Variants in TM9SF3 observed in about 807,000 individuals in gnomAD.
TM9SF3 encodes the protein transmembrane 9 superfamily member 3.
TM9SF3 carries 14 observed loss-of-function variants against 78.6 expected under a neutral mutation model. The ratio of observed to expected loss-of-function variants is 0.18; its 90% CI spans 0.12 to 0.28. The LOEUF is 0.28. Ranked by LOEUF, TM9SF3 falls within the 10% of genes least tolerant of loss-of-function variation. TM9SF3 has a pLI of 1.00. For missense variants in TM9SF3, 496 were observed against 721.9 expected (o/e 0.69, Z 3.59); for synonymous variants, 231 against 241.7 (o/e 0.96, Z 0.41).
chr10:96,584,162 A>G (rs544492917), intron 1 of TM9SF3, among the ~76,000 whole-genome samples: 6 of 152,360 alleles, frequency 3.9e-5, no homozygotes, highest in Non-Finnish European at 8.8e-5. Flanking sequence ...TCAGCTTCTA[A>G]AAGTTATTGT....
In TM9SF3 at chr10:96,555,865, C is replaced by G. The variant is rs562577965; in HGVS notation, c.661-2806G>C. On this transcript the variant is annotated intron_variant, in intron 5 of 14. Coordinates refer to ENST00000371142, the MANE Select transcript of TM9SF3 (RefSeq NM_020123.4). ...ACCCTGAGATGTTAACCCAGAAAAG[C>G]TCAAGAGGGAAAGAAAAATGACACA... Among the ~76,000 whole-genome samples the G allele has an allele frequency of 8.5e-4, 129 of 152,130 alleles. 1 individual carries two copies. The highest frequency in any genetic ancestry group is 1.4e-3 in the Non-Finnish European group (95 of 67,976).
At chr10:96,548,055 A>G (rs1026986581) in intron 7 of TM9SF3, 66 bp from the exon 8 acceptor site, 16 of 984,828 alleles carry the variant, frequency 1.6e-5, no homozygotes, top group East Asian at 2.6e-5. Flanking sequence ...ATAGTCTATT[A>G]TATTAGCATT....
intron 14 of TM9SF3, among the ~76,000 whole-genome samples, 163 bp downstream of exon 14, chr10:96,527,050 T>C (rs1037352986): frequency 6.6e-6 from 1 of 152,096 alleles, no homozygotes; most frequent in Non-Finnish European, 1.5e-5. Flanking sequence ...AGGTAATAAA[T>C]TATGTTGTGG....
At chr10:96,545,031 C>T (rs1848081001) in intron 8 of TM9SF3, among the ~76,000 whole-genome samples, 1 of 152,082 alleles carries the variant, frequency 6.6e-6, no homozygotes, top group African/African-American at 2.4e-5. Context: ...TTTCTCTGTA[C>T]CTCTGTGTAT....
chr10:96,573,486 T>C (rs994081045), intron 2 of TM9SF3, among the ~76,000 whole-genome samples: 1 of 152,208 alleles, frequency 6.6e-6, no homozygotes, highest in Admixed American at 6.5e-5. Context: ...AGCATATCCA[T>C]GCTGGAGGTG....
chr10:96,575,160 A>G (rs939008318), intron 2 of TM9SF3, among the ~76,000 whole-genome samples: 14 of 152,186 alleles, frequency 9.2e-5, no homozygotes, highest in Admixed American at 8.5e-4. Flanking sequence ...ACACAGTAGC[A>G]AAGTAGGACT....
intron 9 of TM9SF3, among the ~76,000 whole-genome samples, chr10:96,534,193 T>G (rs1232863513): frequency 6.6e-6 from 1 of 152,174 alleles, no homozygotes; most frequent in African/African-American, 2.4e-5. Flanking sequence ...GATCCTTTTG[T>G]GTGTGTATAT....
intron 2 of TM9SF3, among the ~76,000 whole-genome samples, chr10:96,568,944 T>C (rs1589460981): frequency 6.6e-6 from 1 of 152,124 alleles, no homozygotes; most frequent in East Asian, 1.9e-4. Flanking sequence ...CTCAGCACTT[T>C]AGGAGGCCCA....
intron 2 of TM9SF3, among the ~76,000 whole-genome samples, chr10:96,574,161 TG>T (rs1170598375): frequency 6.6e-6 from 1 of 152,166 alleles, no homozygotes; most frequent in Non-Finnish European, 1.5e-5. Context: ...AGAAAATTTT[TG>T]CAATCAATCC....
intron 7 of TM9SF3, among the ~76,000 whole-genome samples, chr10:96,548,615 T>C (rs911899339): frequency 1.3e-5 from 2 of 151,670 alleles, no homozygotes; most frequent in Non-Finnish European, 2.9e-5. Flanking sequence ...CTGGCCAACA[T>C]GGCAAAACCC....
Position 96,551,431 on chromosome 10 carries a change from T to TAG in TM9SF3, c.793-22_793-21dup, listed in dbSNP as rs980381193. 25 of 1,446,418 alleles carry TAG rather than the reference T, an allele frequency of 1.7e-5. No individual in the cohort carries two copies. Among genetic ancestry groups the TAG allele is most frequent in the South Asian group, 8.5e-5 (6 of 70,896 alleles). 89.6% of individuals were successfully genotyped at this position (1,446,418 alleles called of 1,614,324 possible). A position where few individuals can be genotyped will look rare whatever the true frequency, so the allele number is the denominator to read the frequency against. On this transcript the variant is annotated intron_variant, in intron 6 of 14. Coordinates refer to ENST00000371142, the MANE Select transcript of TM9SF3 (RefSeq NM_020123.4). Reference sequence around the variant, plus strand: ...TCTATCCTATATACAAATATATATATAGAGAGAGAAAAGCAAATCATTCAG... The same window carrying TAG: ...TCTATCCTATATACAAATATATATATAGAGAGAGAGAAAAGCAAATCATTCAG...
chr10:96,537,312 T>C (rs1006859875), intron 9 of TM9SF3, among the ~76,000 whole-genome samples: 2 of 152,240 alleles, frequency 1.3e-5, no homozygotes, highest in African/African-American at 2.4e-5. Context: ...TGTGTTACAA[T>C]TGCCTACAGT....
intron 10 of TM9SF3, among the ~76,000 whole-genome samples, chr10:96,532,197 G>A (rs569333259): frequency 6.6e-6 from 1 of 151,834 alleles, no homozygotes; most frequent in African/African-American, 2.4e-5. Context: ...GCCACAGAGT[G>A]AGACCTCATC....
intron 2 of TM9SF3, 53 bp from the exon 3 acceptor site, chr10:96,565,479 T>C (rs1848357144): frequency 2.7e-6 from 4 of 1,484,514 alleles, no homozygotes; most frequent in African/African-American, 3.0e-5. Flanking sequence ...AATAGTTACA[T>C]TAAAAAAAAA....
chr10:96,539,868 A>G (rs892954079), intron 9 of TM9SF3, among the ~76,000 whole-genome samples: 2 of 152,166 alleles, frequency 1.3e-5, no homozygotes, highest in African/African-American at 4.8e-5. Context: ...CACAGCAACA[A>G]AGAAAACTAA....
intron 5 of TM9SF3, among the ~76,000 whole-genome samples, chr10:96,554,576 A>G (rs1166560071): frequency 6.6e-6 from 1 of 152,086 alleles, no homozygotes; most frequent in Non-Finnish European, 1.5e-5. Context: ...GAACTTCTCC[A>G]AAAGCTCCAG....
At chr10:96,558,937 G>A (rs1242052191) in intron 5 of TM9SF3, among the ~76,000 whole-genome samples, 1 of 152,094 alleles carries the variant, frequency 6.6e-6, no homozygotes, top group African/African-American at 2.4e-5. Flanking sequence ...CCTTGAGGAG[G>A]AAACCACCAA....
At chr10:96,525,710 T>C (rs1847830705) in intron 14 of TM9SF3, among the ~76,000 whole-genome samples, 1 of 152,088 alleles carries the variant, frequency 6.6e-6, no homozygotes. Flanking sequence ...GTTTCCACCA[T>C]GATTAGTCCC....
chr10:96,528,159 A>C lies in TM9SF3; in HGVS notation c.1413T>G (p.Ser471=), dbSNP rs771088573. Residue 471 remains serine, a synonymous_variant, in exon 12 of 15, where the codon TCT becomes TCG. Coordinates refer to ENST00000371142, the MANE Select transcript of TM9SF3 (RefSeq NM_020123.4). ...IFIEMYFIFT[S]FWAYKIYYVY... The stretch of plus-strand genomic sequence containing the variant: ...CATAATAGATCTTATATGCCCAGAA[A>C]GACGTGAAGATGAAATACCTAAGTA... The C allele has an allele frequency of 1.2e-6, 2 of 1,610,284 alleles. No homozygotes were observed. Among genetic ancestry groups the C allele is most frequent in the South Asian group, 2.2e-5 (2 of 90,510 alleles).
Sources: allele counts gnomAD v4.1 joint callset (sites outside exome capture counted in the v4.1 genomes callset), GRCh38; gene constraint gnomAD v4.1.1; transcripts MANE v1.5; gene names NCBI Gene and HGNC (gene_info 2026-07-23, HGNC 2026-07-21).